The following RAPGEF4 variants were observed in gnomAD, a reference collection of about 807,000 sequenced individuals.
The protein encoded by RAPGEF4 is Rap guanine nucleotide exchange factor 4, also known as RAP guanine-nucleotide-exchange factor (GEF) 4.
RAPGEF4 carries 66 observed loss-of-function variants against 147.9 expected under a neutral mutation model. The ratio of observed to expected loss-of-function variants is 0.45; its 90% CI spans 0.37 to 0.55. The LOEUF (loss-of-function observed/expected upper bound fraction) is 0.55. Among genes scored for constraint, RAPGEF4 ranks in the 20% least tolerant of loss-of-function variants. The probability of loss-of-function intolerance (pLI) is 0.00; values close to 1 mark genes in which losing one functional copy is unlikely to be tolerated. For synonymous variants in RAPGEF4, 419 were observed against 442.7 expected, an observed-to-expected ratio of 0.95 and a Z score of 0.67; for missense variants, 1,071 against 1,257.3, an observed-to-expected ratio of 0.85 and a Z score of 2.24.
intron 16 of RAPGEF4, among the ~76,000 whole-genome samples, chr2:172,998,081 C>T (rs1216368820): frequency 6.6e-6 from 1 of 152,164 alleles, no homozygotes; most frequent in Non-Finnish European, 1.5e-5. Context: ...AACAAGGAAT[C>T]ATTCTCCTGC....
At chr2:172,844,046 T>A (rs535872481) in intron 4 of RAPGEF4, among the ~76,000 whole-genome samples, 1 of 152,352 alleles carries the variant, frequency 6.6e-6, no homozygotes, top group African/African-American at 2.4e-5. Flanking sequence ...AGAAGCAGTT[T>A]ACATAAAGAA....
chr2:172,758,939 T>C (rs114618288), intron 1 of RAPGEF4, among the ~76,000 whole-genome samples: 2,419 of 152,158 alleles, frequency 0.016, 67 homozygotes, highest in African/African-American at 0.056. Context: ...AAAGTGAGCA[T>C]TGAAAGAGAG....
chr2:172,896,774 A>G (rs1698523383), intron 4 of RAPGEF4, among the ~76,000 whole-genome samples: 1 of 152,222 alleles, frequency 6.6e-6, no homozygotes, highest in Non-Finnish European at 1.5e-5. Context: ...AGCATGCTTT[A>G]TTGCCTGGAA....
intron 1 of RAPGEF4, among the ~76,000 whole-genome samples, chr2:172,742,682 G>A (rs1460915639): frequency 1.3e-5 from 2 of 152,180 alleles, no homozygotes; most frequent in African/African-American, 4.8e-5. Context: ...TATATTTGGA[G>A]TAATTTGAGA....
intron 17 of RAPGEF4, among the ~76,000 whole-genome samples, chr2:173,008,362 G>T (rs16861147): frequency 6.6e-6 from 1 of 152,058 alleles, no homozygotes; most frequent in Admixed American, 6.5e-5. Flanking sequence ...ATCAAATGAG[G>T]TTATGTGTGT....
chr2:172,983,884 A>T (rs1354087592), intron 11 of RAPGEF4, among the ~76,000 whole-genome samples: 1 of 152,120 alleles, frequency 6.6e-6, no homozygotes, highest in Non-Finnish European at 1.5e-5. Context: ...GCACACTCAG[A>T]TAAGAGAGCC....
chr2:172,900,257 A>G (rs1412126905), intron 4 of RAPGEF4, among the ~76,000 whole-genome samples: 1 of 152,210 alleles, frequency 6.6e-6, no homozygotes, highest in Non-Finnish European at 1.5e-5. Context: ...ATTGTTGTTT[A>G]GAGACAAGCT....
intron 1 of RAPGEF4, among the ~76,000 whole-genome samples, chr2:172,764,130 T>A (rs1052911248): frequency 2.0e-5 from 3 of 152,016 alleles, no homozygotes; most frequent in Middle Eastern, 3.2e-3. Flanking sequence ...GGTGCATGCC[T>A]GTGGTCCCAG....
Position 172,741,147 on chromosome 2 carries a change from C to T in RAPGEF4, c.65+5099C>T, listed in dbSNP as rs114608485. 7.9e-3 allele frequency among the ~76,000 whole-genome samples: 1,200 copies of T among 152,336 alleles called. 17 individuals are homozygous for T. Among genetic ancestry groups the T allele is most frequent in the African/African-American group, 0.027 (1,113 of 41,570 alleles). The stretch of plus-strand genomic sequence containing the variant: ...CAGTTCTGGGAATCGTCCAGGACAG[C>T]GTGGCTGCCACCTTTTCCAGTCAGA... On this transcript the variant is annotated intron_variant, in intron 1 of 30. Transcript: ENST00000397081.
At chr2:172,816,030 A>G (rs1688470288) in intron 4 of RAPGEF4, among the ~76,000 whole-genome samples, 1 of 152,116 alleles carries the variant, frequency 6.6e-6, no homozygotes, top group African/African-American at 2.4e-5. Flanking sequence ...GACATATAAC[A>G]TATCACCCTA....
rs1692154032 is a variant in RAPGEF4 at position 172,985,478 on chromosome 2, A to G, written c.1135A>G (p.Lys379Glu). The change falls in exon 12 of 31, where the codon AAA becomes GAA. Residue 379 changes from lysine to glutamate, a missense_variant. Transcript: ENST00000397081. Reference sequence around the variant, plus strand: ...TGTTCTCATTTTTGAGTCTCACGCCAAAGGAGGGACTGTGTGTAAGTGAAA... The same window carrying G: ...TGTTCTCATTTTTGAGTCTCACGCCGAAGGAGGGACTGTGTGTAAGTGAAA... Reference protein sequence around the residue: ...AGVLIFESHAKGGTVLFNQGE... With the variant: ...AGVLIFESHAEGGTVLFNQGE... The G allele has an allele frequency of 6.2e-7, 1 of 1,613,982 alleles. No individual in the cohort carries two copies. Among genetic ancestry groups the G allele is most frequent in the South Asian group, 1.1e-5 (1 of 91,062 alleles).
intron 6 of RAPGEF4, among the ~76,000 whole-genome samples, chr2:172,952,992 A>G (rs1688357945): frequency 6.6e-6 from 1 of 152,088 alleles, no homozygotes; most frequent in Non-Finnish European, 1.5e-5. Context: ...ACTCCAGAAC[A>G]GTTGACAGGG....
chr2:172,989,740 T>C (rs980383463), intron 14 of RAPGEF4, among the ~76,000 whole-genome samples: 5 of 152,134 alleles, frequency 3.3e-5, no homozygotes, highest in African/African-American at 7.2e-5. Context: ...AGGAGGCTGT[T>C]CTTTCTAGGG....
At position 172,871,727 on chromosome 2, in the gene RAPGEF4, T is replaced by C. The variant is rs912185066; in HGVS notation, c.445-46075T>C. On this transcript the variant is annotated intron_variant, in intron 4 of 30. Transcript: ENST00000397081. ...TAAGCAAATGACCAGCCAAAGGAAG[T>C]ATATATTAAATTAGGGTAAGTCCTT... Among the ~76,000 whole-genome samples, 3 of 151,408 alleles carry C rather than the reference T, an allele frequency of 2.0e-5. No individual in the cohort carries two copies. In the South Asian group the frequency reaches 6.3e-4, roughly 32 times the overall value.
intron 1 of RAPGEF4, among the ~76,000 whole-genome samples, chr2:172,776,602 C>A (rs79872096): frequency 0.018 from 2,701 of 152,186 alleles, 97 homozygotes; most frequent in African/African-American, 0.061. Flanking sequence ...TATTGAGTCT[C>A]TAATTGTTAT....
chr2:172,925,081 G>A (rs1006834043), intron 6 of RAPGEF4, among the ~76,000 whole-genome samples: 3 of 152,200 alleles, frequency 2.0e-5, no homozygotes, highest in Non-Finnish European at 4.4e-5. Flanking sequence ...CCCGGCTCAC[G>A]CCATTCTCCT....
intron 30 of RAPGEF4, among the ~76,000 whole-genome samples, chr2:173,048,951 A>G (rs1685843627): frequency 1.3e-5 from 2 of 152,338 alleles, no homozygotes; most frequent in South Asian, 4.1e-4. Context: ...CTAAAGTACG[A>G]CTGCCAACAA....
chr2:173,036,527 T>C (rs770288535), intron 28 of RAPGEF4, 101 bp from the exon 29 acceptor site: 33 of 914,982 alleles, frequency 3.6e-5, no homozygotes, highest in Non-Finnish European at 5.6e-5. Context: ...TCAACTGTAG[T>C]GTTATGCAAA....
chr2:172,845,051 T>A (rs775717880), intron 4 of RAPGEF4, among the ~76,000 whole-genome samples: 5 of 152,126 alleles, frequency 3.3e-5, no homozygotes, highest in Non-Finnish European at 2.9e-5. Flanking sequence ...CATTACAGAT[T>A]TTCTGATGGG....
Sources: allele counts gnomAD v4.1 joint callset (sites outside exome capture counted in the v4.1 genomes callset), GRCh38; gene constraint gnomAD v4.1.1; transcripts MANE v1.5; gene names NCBI Gene and HGNC (gene_info 2026-07-23, HGNC 2026-07-21).